PRKD3: variants seen among roughly 807,000 people sequenced by gnomAD.
PRKD3 encodes serine/threonine-protein kinase D3.
Under a neutral mutation model 99.2 loss-of-function variants are expected in PRKD3, and 47 were observed. That is an observed-to-expected ratio of 0.47 (90% confidence interval 0.38 to 0.60). The LOEUF is 0.60. Ranked by LOEUF, PRKD3 falls within the 20% of genes least tolerant of loss-of-function variation. PRKD3 has a pLI of 0.00. For missense variants in PRKD3, 1,019 were observed against 1,088.4 expected, an observed-to-expected ratio of 0.94 and a Z score of 0.90; for synonymous variants, 392 against 355.4, an observed-to-expected ratio of 1.10 and a Z score of -1.16.
At chr2:37,312,688 T>C (rs867398794) in intron 2 of PRKD3, among the ~76,000 whole-genome samples, 4 of 152,234 alleles carry the variant, frequency 2.6e-5, no homozygotes, top group Admixed American at 6.5e-5. Flanking sequence ...ACGTGTTCAA[T>C]AACATTCAGG....
intron 18 of PRKD3, 90 bp downstream of exon 18, chr2:37,254,114 G>T: frequency 2.2e-6 from 2 of 910,988 alleles, no homozygotes; most frequent in Non-Finnish European, 1.8e-6. Flanking sequence ...TTATTATTCT[G>T]CTGATCTTAG....
At chr2:37,314,866 G>A (rs781515522) in intron 2 of PRKD3, among the ~76,000 whole-genome samples, 2 of 152,072 alleles carry the variant, frequency 1.3e-5, no homozygotes, top group Non-Finnish European at 2.9e-5. Flanking sequence ...GCAAAGCTAC[G>A]GAAGGATACA....
At chr2:37,307,154 G>A (rs941211175) in intron 2 of PRKD3, among the ~76,000 whole-genome samples, 1 of 152,126 alleles carries the variant, frequency 6.6e-6, no homozygotes, top group Admixed American at 6.5e-5. Flanking sequence ...TCCAGACATT[G>A]CCAAATGTTC....
intron 9 of PRKD3, 107 bp downstream of exon 9, chr2:37,277,759 T>C (rs1297533288): frequency 1.6e-6 from 2 of 1,218,062 alleles, no homozygotes; most frequent in Non-Finnish European, 2.3e-6. Context: ...CTGTGGTGTA[T>C]ATAATGTCTT....
At position 37,275,847 on chromosome 2, in the gene PRKD3, A is replaced by G. The variant is rs201010536; in HGVS notation, c.1297-3T>C. 8 of 1,603,960 alleles carry G rather than the reference A, an allele frequency of 5.0e-6. No homozygotes were observed. In the East Asian group the frequency reaches 6.7e-5, roughly 14 times the overall value. On this transcript the variant is annotated splice_polypyrimidine_tract_variant and splice_region_variant and intron_variant, in intron 9 of 18. Coordinates refer to ENST00000234179, the MANE Select transcript of PRKD3 (RefSeq NM_005813.6). The stretch of plus-strand genomic sequence containing the variant: ...AGTCTCCAATAATGCCTCTTTCTCT[A>G]TAAAATGAAGATTGGAAAACTGTGA...
At chr2:37,303,968 G>C (rs1671049502) in intron 2 of PRKD3, among the ~76,000 whole-genome samples, 1 of 152,056 alleles carries the variant, frequency 6.6e-6, no homozygotes, top group South Asian at 2.1e-4. Flanking sequence ...AAATGCATTT[G>C]AGACATTGAA....
intron 2 of PRKD3, among the ~76,000 whole-genome samples, chr2:37,295,679 G>T (rs1222396922): frequency 6.6e-6 from 1 of 152,156 alleles, no homozygotes; most frequent in Non-Finnish European, 1.5e-5. Flanking sequence ...TGGCTTTATA[G>T]AGTTCTTATC....
chr2:37,294,049 G>A lies in PRKD3; in HGVS notation c.289-778C>T, dbSNP rs115139367. Among the ~76,000 whole-genome samples the A allele has an allele frequency of 8.5e-3, 1,295 of 152,198 alleles. 24 individuals carry two copies. The highest frequency in any genetic ancestry group is 0.062 in the East Asian group (322 of 5,184). On this transcript the variant is annotated intron_variant, in intron 2 of 18. Transcript: ENST00000234179. ...CTAACCTAGTTTCATCTCATTTTCT[G>A]ACCTTAATTTTCTCATTAGAAAAGT... is the stretch of plus-strand genomic sequence containing the variant.
chr2:37,296,070 C>A (rs113157565), intron 2 of PRKD3, among the ~76,000 whole-genome samples: 2 of 150,396 alleles, frequency 1.3e-5, no homozygotes, highest in Non-Finnish European at 3.0e-5. Context: ...AGACAAGGAA[C>A]TTTCTCTCCA....
chr2:37,303,038 CCT>C (rs991148525), intron 2 of PRKD3, among the ~76,000 whole-genome samples: 9 of 152,184 alleles, frequency 5.9e-5, no homozygotes, highest in African/African-American at 2.2e-4. Flanking sequence ...CGGCCCAACC[CCT>C]GTCCTGTGCC....
Position 37,305,761 on chromosome 2 carries a change from G to T in PRKD3, c.288+10476C>A, listed in dbSNP as rs527526853. On this transcript the variant is annotated intron_variant, in intron 2 of 18. Coordinates refer to ENST00000234179, the MANE Select transcript of PRKD3 (RefSeq NM_005813.6). ...GCAGGCTACCTAATGAAGGCTTTGG[G>T]ACTTTAAGATCACTACAAGACCAGT... 1.4e-4 allele frequency among the ~76,000 whole-genome samples: 21 copies of T among 152,310 alleles called. No homozygotes were observed. In the South Asian group the frequency reaches 4.4e-3, roughly 32 times the overall value.
chr2:37,273,708 G>A (rs1353536605), intron 11 of PRKD3, among the ~76,000 whole-genome samples: 1 of 152,142 alleles, frequency 6.6e-6, no homozygotes, highest in African/African-American at 2.4e-5. Flanking sequence ...ACTACCTTTG[G>A]AAAGTTGTTG....
At chr2:37,260,445 T>G in intron 14 of PRKD3, 61 bp from the exon 15 acceptor site, 1 of 1,424,472 alleles carries the variant, frequency 7.0e-7, no homozygotes, top group Non-Finnish European at 9.9e-7. Context: ...TACTAATATC[T>G]AGATGTGCTA....
rs368060548 is a variant in PRKD3, at chr2:37,279,909, C to G, written c.1009G>C (p.Asp337His). Residue 337 changes from aspartate to histidine, a missense_variant, in exon 8 of 19, where the codon GAT becomes CAT. Around this residue, in one of 3 missense-constraint regions of PRKD3, gnomAD observed 710 missense variants for 692.7 expected, o/e 1.02. Transcript: ENST00000234179. Reference sequence around the variant, plus strand: ...TCAATATCCATTGGTATATCTGTATCTGTTCCCAGACTGGAAGGTTCTGGG... The same window carrying G: ...TCAATATCCATTGGTATATCTGTATGTGTTCCCAGACTGGAAGGTTCTGGG... The part of the protein sequence containing the change: ...FNGEPSSLGT[D>H]TDIPMDIDNN... 45 of 1,607,998 alleles carry G rather than the reference C, an allele frequency of 2.8e-5. No individual in the cohort carries two copies. Among genetic ancestry groups the G allele is most frequent in the Non-Finnish European group, 1.2e-5 (14 of 1,177,564 alleles).
chr2:37,278,137 T>A (rs1669664155), intron 8 of PRKD3, 148 bp from the exon 9 acceptor site: 1 of 520,890 alleles, frequency 1.9e-6, no homozygotes. Context: ...GAAAAATTAA[T>A]CCTGTTATGA....
At chr2:37,300,260 A>G (rs1023037787) in intron 2 of PRKD3, among the ~76,000 whole-genome samples, 1 of 152,224 alleles carries the variant, frequency 6.6e-6, no homozygotes. Flanking sequence ...AGTTGGTGAA[A>G]TAAGCCAGGC....
rs541998775 is a variant in PRKD3, at chr2:37,304,898, C to T, written c.288+11339G>A. On this transcript the variant is annotated intron_variant, in intron 2 of 18. Coordinates refer to ENST00000234179, the MANE Select transcript of PRKD3 (RefSeq NM_005813.6). ...CTGATTATCTTTAATTCAAACTTTC[C>T]GAATTAAAGATCTAGGATCTTCTAT... Among the ~76,000 whole-genome samples the T allele has an allele frequency of 2.0e-3, 308 of 151,820 alleles. 2 individuals carry two copies. The highest frequency in any genetic ancestry group is 4.1e-3 in the Admixed American group (62 of 15,250).
intron 2 of PRKD3, 86 bp from the exon 3 acceptor site, chr2:37,293,357 C>T: frequency 7.6e-7 from 1 of 1,315,726 alleles, no homozygotes; most frequent in Non-Finnish European, 1.0e-6. Context: ...GAATTTAAAA[C>T]ATAGTGTTTT....
chr2:37,287,322 T>C (rs1347662381), intron 5 of PRKD3, among the ~76,000 whole-genome samples: 1 of 151,310 alleles, frequency 6.6e-6, no homozygotes, highest in Non-Finnish European at 1.5e-5. Flanking sequence ...CTGAGGCATT[T>C]TATAGTGCTC....
Sources: allele counts gnomAD v4.1 joint callset (sites outside exome capture counted in the v4.1 genomes callset), GRCh38; gene constraint gnomAD v4.1.1; regional missense constraint gnomAD v4.1.1; transcripts MANE v1.5; gene names NCBI Gene and HGNC (gene_info 2026-07-23, HGNC 2026-07-21).